Variants in TP53BP1 observed in about 807,000 individuals in gnomAD.
TP53BP1 encodes TP53-binding protein 1.
In TP53BP1, 61 loss-of-function variants were observed where a neutral mutation model predicts 200.8. The ratio of observed to expected loss-of-function variants is 0.30; its 90% CI spans 0.25 to 0.38. The LOEUF (loss-of-function observed/expected upper bound fraction) is 0.38, where lower values mean the gene tolerates loss of function less well. TP53BP1 is among the 10% of genes least tolerant of loss of function. TP53BP1 has a pLI of 1.00. For missense variants in TP53BP1, 2,144 were observed against 2,371.9 expected, an observed-to-expected ratio of 0.90 and a Z score of 2.00; for synonymous variants, 822 against 844.3, an observed-to-expected ratio of 0.97 and a Z score of 0.46.
chr15:43,414,259 G>A (rs2045207308), intron 23 of TP53BP1: 1 of 398,500 alleles, frequency 2.5e-6, no homozygotes, highest in Non-Finnish European at 5.1e-6. Flanking sequence ...ACTTTTCTGT[G>A]CCTCAAAGTC....
chr15:43,501,943 G>A (rs1158791238), intron 1 of TP53BP1, among the ~76,000 whole-genome samples: 3 of 152,000 alleles, frequency 2.0e-5, no homozygotes, highest in African/African-American at 7.3e-5. Flanking sequence ...ATTTATCTTG[G>A]GTAGATAACT....
rs2079130910 is a variant in TP53BP1, at chr15:43,492,027, T to A, written c.261A>T (p.Glu87Asp). Reference sequence around the variant, plus strand: ...CTGCAACCTTGTTTTCTTTCAAATGTTCATTGAACCCACTATTACCGTCTC... The same window carrying A: ...CTGCAACCTTGTTTTCTTTCAAATGATCATTGAACCCACTATTACCGTCTC... The part of the protein sequence containing the change: ...ERGDGNSGFN[E>D]HLKENKVADP... Residue 87 changes from glutamate (E) to aspartate (D), a missense_variant, in exon 3 of 28, where the codon GAA (glutamate) becomes GAT (aspartate). Coordinates refer to ENST00000382044, the MANE Select transcript of TP53BP1 (RefSeq NM_001141980.3). The A allele has an allele frequency of 1.2e-6, 2 of 1,613,852 alleles. No homozygotes were observed. The highest frequency in any genetic ancestry group is 1.7e-5 in the Admixed American group (1 of 60,008).
chr15:43,509,288 ACTCTTATTTT>A (rs2079257650), intron 1 of TP53BP1, among the ~76,000 whole-genome samples: 2 of 145,258 alleles, frequency 1.4e-5, no homozygotes, highest in Non-Finnish European at 3.0e-5. Flanking sequence ...TTCTGCCAGT[ACTCTTATTTT>A]CCCCTTTCTG....
rs572545579 is a variant in TP53BP1 at position 43,428,820 on chromosome 15, A to G, written c.3676-652T>C. Among the ~76,000 whole-genome samples the G allele has an allele frequency of 2.4e-3, 367 of 152,330 alleles. 1 individual carries two copies. The highest frequency in any genetic ancestry group is 4.4e-3 in the Admixed American group (68 of 15,308). On this transcript the variant is annotated intron_variant, in intron 17 of 27. Coordinates refer to ENST00000382044, the MANE Select transcript of TP53BP1 (RefSeq NM_001141980.3). ...TCTAGTTCTACTACAAGAATAATGT[A>G]GGGCTAAATAAGACCCTACTTTTTA...
At chr15:43,482,232 A>AAACAAC (rs138162379) in intron 4 of TP53BP1, among the ~76,000 whole-genome samples, 12 of 151,680 alleles carry the variant, frequency 7.9e-5, no homozygotes, top group South Asian at 2.1e-4. Flanking sequence ...CCACCTCAAA[A>AAACAAC]AACAACAACA....
chr15:43,405,342 C>G lies in TP53BP1; in HGVS notation c.*2041G>C, dbSNP rs766004216. 2 of 1,062,662 alleles carry G rather than the reference C, an allele frequency of 1.9e-6. No homozygotes were observed. The highest frequency in any genetic ancestry group is 2.1e-5 in the Admixed American group (1 of 47,562). 65.8% of individuals were successfully genotyped at this position (1,062,662 alleles called of 1,614,324 possible). A position where few individuals can be genotyped will look rare whatever the true frequency, so the allele number is the denominator to read the frequency against. On this transcript the variant is annotated 3_prime_UTR_variant, in exon 28 of 28. Transcript: ENST00000382044. ...TTAGTGATAGGACTCTACCTTTTCT[C>G]CTAGAAGCAGTTACTGAACATCCAG...
intron 12 of TP53BP1, among the ~76,000 whole-genome samples, chr15:43,449,976 G>C (rs2046129393): frequency 6.6e-6 from 1 of 152,130 alleles, no homozygotes; most frequent in South Asian, 2.1e-4. Context: ...ACATTTGCTG[G>C]TATATTTTAT....
At chr15:43,419,810 A>C (rs1321956477) in intron 21 of TP53BP1, among the ~76,000 whole-genome samples, 2 of 152,200 alleles carry the variant, frequency 1.3e-5, no homozygotes, top group African/African-American at 2.4e-5. Context: ...AGGTCATGAA[A>C]AACAAAAGAC....
In TP53BP1 at chr15:43,455,932, G is replaced by A. The variant is rs752942579; in HGVS notation, c.2676C>T (p.Pro892=). The A allele has an allele frequency of 1.2e-5, 20 of 1,614,110 alleles. No homozygotes were observed. The Admixed American group carries it at 3.3e-4, about 27-fold the overall frequency. Residue 892 remains proline (P), a synonymous_variant, in exon 12 of 28, where the codon CCC becomes CCT. Coordinates refer to ENST00000382044, the MANE Select transcript of TP53BP1 (RefSeq NM_001141980.3). ...AGAAGCTTTGTGAGGCATGGGCAGA[G>A]GGCTTCCCCAGCTTCTGGGCCTCTG... ...SDAEAQKLGK[P]SAHASQSFCE... is the part of the protein sequence containing the mutation.
intron 18 of TP53BP1, among the ~76,000 whole-genome samples, chr15:43,425,070 G>A (rs1317540792): frequency 6.6e-6 from 1 of 152,044 alleles, no homozygotes; most frequent in Non-Finnish European, 1.5e-5. Flanking sequence ...TGTTGCCTCG[G>A]GACTCTTCAG....
intron 8 of TP53BP1, among the ~76,000 whole-genome samples, chr15:43,476,823 G>A (rs934145195): frequency 2.0e-5 from 3 of 152,160 alleles, no homozygotes; most frequent in Non-Finnish European, 2.9e-5. Context: ...GATTGGTGGA[G>A]GTTAAAGAGG....
intron 4 of TP53BP1, among the ~76,000 whole-genome samples, chr15:43,490,826 T>C (rs1595627383): frequency 6.6e-6 from 1 of 152,322 alleles, no homozygotes; most frequent in East Asian, 1.9e-4. Context: ...ATGGAAGTAA[T>C]GTAATGTCTT....
Position 43,416,324 on chromosome 15 carries a change from T to A in TP53BP1, c.4774A>T (p.Ile1592Phe). ...CTGTTTCCTTGCTCCAAGGACAGGATGACAGCCATTCGCTTATACCACTTT... is the reference window on the plus strand; with the variant it reads ...CTGTTTCCTTGCTCCAAGGACAGGAAGACAGCCATTCGCTTATACCACTTT... ...QRKWYKRMAV[I>F]LSLEQGNRLR... Residue 1592 changes from isoleucine (I) to phenylalanine (F), a missense_variant, in exon 22 of 28, where the codon ATC becomes TTC. This residue lies in a region of TP53BP1 where 61 missense variants were observed against 147.5 expected (regional missense o/e 0.41). Coordinates refer to ENST00000382044, the MANE Select transcript of TP53BP1 (RefSeq NM_001141980.3). The A allele has an allele frequency of 6.2e-7, 1 of 1,614,242 alleles. No individual in the cohort carries two copies. The highest frequency in any genetic ancestry group is 8.5e-7 in the Non-Finnish European group (1 of 1,180,036).
At chr15:43,425,658 T>C (rs2045511266) in intron 18 of TP53BP1, among the ~76,000 whole-genome samples, 1 of 151,918 alleles carries the variant, frequency 6.6e-6, no homozygotes, top group Non-Finnish European at 1.5e-5. Flanking sequence ...AGAAATGAAG[T>C]AATGTGTTTA....
chr15:43,420,348 G>A lies in TP53BP1; in HGVS notation c.4638C>T (p.Asp1546=). Residue 1546 remains aspartate, a synonymous_variant, in exon 21 of 28, where the codon GAC becomes GAT. Transcript: ENST00000382044. ...CCTCCGAGAGGGCCGTCACTTCAGT[G>A]TCCAGCGGGATGGGGTCACATAACA... The part of the protein sequence containing the change: ...DILLCDPIPL[D]TEVTALSEDE... 2 of 1,614,132 alleles carry A rather than the reference G, an allele frequency of 1.2e-6. No homozygotes were observed. Among genetic ancestry groups the A allele is most frequent in the East Asian group, 2.2e-5 (1 of 44,880 alleles).
intron 9 of TP53BP1, 59 bp downstream of exon 9, chr15:43,475,506 T>C (rs1360398927): frequency 1.3e-6 from 2 of 1,591,100 alleles, no homozygotes; most frequent in East Asian, 4.5e-5. Flanking sequence ...TCTTTCAGCC[T>C]TAGCCTAAGA....
At chr15:43,415,439 G>C (rs750275346) in intron 23 of TP53BP1, 155 bp downstream of exon 23, 1 of 770,420 alleles carries the variant, frequency 1.3e-6, no homozygotes, top group African/African-American at 1.7e-5. Flanking sequence ...GATACAGTGA[G>C]CTGTCCCTGA....
rs2078939976 is a variant in TP53BP1 at position 43,480,013 on chromosome 15, A to C, written c.504T>G (p.Thr168=). 6.2e-7 allele frequency: 1 copy of C among 1,614,014 alleles called. No homozygotes were observed. The highest frequency in any genetic ancestry group is 8.5e-7 in the Non-Finnish European group (1 of 1,179,924). Residue 168 remains threonine (T), a synonymous_variant, in exon 6 of 28, where the codon ACT becomes ACG. Coordinates refer to ENST00000382044, the MANE Select transcript of TP53BP1 (RefSeq NM_001141980.3). The part of the protein sequence containing the change: ...NTTHSLGAED[T]ASSQLGFGVL... ...CCCCAAAACCCAACTGTGATGAGGC[A>C]GTATCTAGGAACAAAATGCCAAGAA...
chr15:43,428,703 T>C (rs1339700014), intron 17 of TP53BP1, among the ~76,000 whole-genome samples: 2 of 152,218 alleles, frequency 1.3e-5, no homozygotes, highest in Non-Finnish European at 2.9e-5. Flanking sequence ...GAATTAAATA[T>C]AAAATATTTC....
Sources: gnomAD v4.1 joint callset for allele counts (sites outside exome capture counted in the v4.1 genomes callset) on GRCh38, gnomAD v4.1.1 for gene constraint, gnomAD v4.1.1 regional missense constraint, MANE v1.5 for transcripts, NCBI Gene and HGNC (gene_info 2026-07-23, HGNC 2026-07-21) for gene names.